Variants in CLSTN2 observed in about 807,000 individuals in gnomAD.
CLSTN2 encodes calsyntenin 2.
In CLSTN2, 48 loss-of-function variants were observed where a neutral mutation model predicts 101.2. The observed-to-expected ratio is 0.47, with a 90% CI of 0.38 to 0.60. CLSTN2 has a LOEUF of 0.60. CLSTN2 is among the 20% of genes least tolerant of loss of function. The probability of loss-of-function intolerance (pLI) is 0.00; values close to 1 mark genes in which losing one functional copy is unlikely to be tolerated. For missense variants in CLSTN2, 1,160 were observed against 1,238.2 expected (o/e 0.94, Z 0.95); for synonymous variants, 481 against 463.6 (o/e 1.04, Z -0.48).
At chr3:139,966,684 G>A (rs1056693070) in intron 1 of CLSTN2, among the ~76,000 whole-genome samples, 2 of 152,146 alleles carry the variant, frequency 1.3e-5, no homozygotes, top group Non-Finnish European at 2.9e-5. Context: ...TTATTTTTGT[G>A]TCTCCTTCCC....
At chr3:140,307,084 C>T (rs1010235271) in intron 2 of CLSTN2, among the ~76,000 whole-genome samples, 1 of 151,994 alleles carries the variant, frequency 6.6e-6, no homozygotes, top group African/African-American at 2.4e-5. Flanking sequence ...GGGAATTTCC[C>T]TGCACAAGCT....
intron 2 of CLSTN2, among the ~76,000 whole-genome samples, chr3:140,265,444 G>C (rs76076183): frequency 0.018 from 2,769 of 152,228 alleles, 84 homozygotes; most frequent in African/African-American, 0.063. Context: ...AGACTACCCA[G>C]ACCCCCTGGA....
At chr3:139,981,563 A>G (rs1355701542) in intron 1 of CLSTN2, among the ~76,000 whole-genome samples, 5 of 152,212 alleles carry the variant, frequency 3.3e-5, no homozygotes, top group Admixed American at 6.5e-5. Flanking sequence ...TGCCAGTTCA[A>G]TTTTCTGGCT....
rs1308213400 is a variant in CLSTN2 at position 140,146,065 on chromosome 3, A to G, written c.110-29886A>G. On this transcript the variant is annotated intron_variant, in intron 1 of 16. Coordinates refer to ENST00000458420, the MANE Select transcript of CLSTN2 (RefSeq NM_022131.3). ...ACTCCGGGAAAACCTTTCCCAAGACATCCTGAGCCCACCTGTCACCCTCTG... is the reference window on the plus strand; with the variant it reads ...ACTCCGGGAAAACCTTTCCCAAGACGTCCTGAGCCCACCTGTCACCCTCTG... Among the ~76,000 whole-genome samples the G allele has an allele frequency of 2.0e-5, 3 of 152,252 alleles. No homozygotes were observed. The South Asian group carries it at 6.2e-4, about 31-fold the overall frequency.
chr3:140,505,468 G>A, intron 8 of CLSTN2: 1 of 152,212 alleles, frequency 6.6e-6, no homozygotes, highest in East Asian at 1.9e-4. Context: ...CTGGTTTACA[G>A]AGCCAGTAGC....
At chr3:140,030,695 C>T (rs559555021) in intron 1 of CLSTN2, among the ~76,000 whole-genome samples, 4 of 152,224 alleles carry the variant, frequency 2.6e-5, no homozygotes, top group South Asian at 2.1e-4. Context: ...GGTCCCTTAT[C>T]GAGAAAGATA....
chr3:140,056,729 T>G (rs1354503373), intron 1 of CLSTN2, among the ~76,000 whole-genome samples: 1 of 152,202 alleles, frequency 6.6e-6, no homozygotes, highest in Admixed American at 6.5e-5. Flanking sequence ...TCAACTAAGT[T>G]GACAGTAGGT....
intron 2 of CLSTN2, among the ~76,000 whole-genome samples, chr3:140,182,957 G>C (rs550255537): frequency 6.6e-6 from 1 of 152,160 alleles, no homozygotes; most frequent in Non-Finnish European, 1.5e-5. Context: ...GGGATGGCTA[G>C]AGGAGGGACT....
intron 1 of CLSTN2, among the ~76,000 whole-genome samples, chr3:140,081,136 A>G (rs1314826406): frequency 6.6e-6 from 1 of 152,246 alleles, no homozygotes; most frequent in Non-Finnish European, 1.5e-5. Context: ...ATGTGTGAGC[A>G]AGTGATGGTT....
intron 2 of CLSTN2, among the ~76,000 whole-genome samples, chr3:140,307,615 GACGTGGC>G (rs1376131230): frequency 6.6e-6 from 1 of 152,114 alleles, no homozygotes; most frequent in East Asian, 1.9e-4. Flanking sequence ...CCTTTTTCAG[GACGTGGC>G]ACATAGAGGG....
chr3:140,513,952 C>A (rs1026702578), intron 8 of CLSTN2, among the ~76,000 whole-genome samples: 2 of 151,944 alleles, frequency 1.3e-5, no homozygotes, highest in Non-Finnish European at 2.9e-5. Flanking sequence ...TTCCACTTAT[C>A]ATTTCTGATT....
At chr3:139,955,805 G>A (rs145928023) in intron 1 of CLSTN2, among the ~76,000 whole-genome samples, 12 of 152,294 alleles carry the variant, frequency 7.9e-5, no homozygotes, top group African/African-American at 2.9e-4. Flanking sequence ...ATGGATAGGG[G>A]ACATTCGTTT....
At chr3:140,054,757 T>G (rs2008068813) in intron 1 of CLSTN2, among the ~76,000 whole-genome samples, 1 of 152,198 alleles carries the variant, frequency 6.6e-6, no homozygotes, top group South Asian at 2.1e-4. Context: ...CCAGAGTCTG[T>G]TGACTACTGT....
At chr3:140,245,749 A>G (rs1464976665) in intron 2 of CLSTN2, among the ~76,000 whole-genome samples, 1 of 152,170 alleles carries the variant, frequency 6.6e-6, no homozygotes, top group Non-Finnish European at 1.5e-5. Flanking sequence ...TAAAGTCAGT[A>G]TATTTCTGTT....
intron 5 of CLSTN2, among the ~76,000 whole-genome samples, chr3:140,427,227 G>GTATATATATA (rs1485211588): frequency 1.5e-5 from 1 of 68,436 alleles, no homozygotes; most frequent in African/African-American, 8.2e-5. Context: ...ATATATATGT[G>GTATATATATA]TGTATATATA....
At chr3:140,107,811 A>T (rs2009086769) in intron 1 of CLSTN2, among the ~76,000 whole-genome samples, 1 of 152,166 alleles carries the variant, frequency 6.6e-6, no homozygotes, top group South Asian at 2.1e-4. Flanking sequence ...TTCACTTGGG[A>T]TTCATGAAAC....
chr3:140,370,175 C>T (rs984260838), intron 2 of CLSTN2, among the ~76,000 whole-genome samples: 4 of 152,168 alleles, frequency 2.6e-5, no homozygotes, highest in Non-Finnish European at 4.4e-5. Flanking sequence ...ACAGCCTGGG[C>T]CTTCCCTAGA....
intron 1 of CLSTN2, among the ~76,000 whole-genome samples, chr3:140,027,368 C>T (rs893399301): frequency 2.0e-5 from 3 of 152,130 alleles, no homozygotes; most frequent in African/African-American, 7.2e-5. Flanking sequence ...CACAGAGACA[C>T]AAGGGAGAGG....
At chr3:140,531,645 T>A (rs1020082069) in intron 8 of CLSTN2, among the ~76,000 whole-genome samples, 4 of 152,212 alleles carry the variant, frequency 2.6e-5, no homozygotes, top group Admixed American at 2.6e-4. Context: ...GGGGGTGGCA[T>A]CGTTCTCTAG....
Sources: allele counts gnomAD v4.1 joint callset (sites outside exome capture counted in the v4.1 genomes callset), GRCh38; gene constraint gnomAD v4.1.1; transcripts MANE v1.5; gene names NCBI Gene and HGNC (gene_info 2026-07-23, HGNC 2026-07-21).